STX8: variants seen among roughly 807,000 people sequenced by gnomAD.
STX8 encodes the protein syntaxin-8.
STX8 carries 23 observed loss-of-function variants against 37.5 expected under a neutral mutation model. The observed-to-expected ratio is 0.61, with a 90% CI of 0.44 to 0.87. The LOEUF (loss-of-function observed/expected upper bound fraction) is 0.87, where lower values mean the gene tolerates loss of function less well. Among genes scored for constraint, STX8 ranks in the 40% least tolerant of loss-of-function variants. STX8 has a pLI of 0.00. For missense variants in STX8, 313 were observed against 284.7 expected (o/e 1.10, Z -0.71); for synonymous variants, 115 against 99.1 (o/e 1.16, Z -0.95).
chr17:9,306,420 A>G (rs1908987280), intron 7 of STX8, among the ~76,000 whole-genome samples: 1 of 143,026 alleles, frequency 7.0e-6, no homozygotes, highest in African/African-American at 2.9e-5. Context: ...GATGTTGTTC[A>G]TCGTATTGGT....
At position 9,260,655 on chromosome 17, in the gene STX8, C is replaced by CAAAA. The variant is rs1391603857; in HGVS notation, c.644-10011_644-10010insTTTT. ...ACAAACAAACAAACAAACAAACAAACAACTGTGGTCTTTTGGGGTGGCTCT... is the reference window on the plus strand; with the variant it reads ...ACAAACAAACAAACAAACAAACAAACAAAAAACTGTGGTCTTTTGGGGTGGCTCT... On this transcript the variant is annotated intron_variant, in intron 7 of 7. Transcript: ENST00000306357. Among the ~76,000 whole-genome samples the CAAAA allele has an allele frequency of 5.3e-4, 75 of 142,404 alleles. 11 individuals are homozygous for CAAAA. In the East Asian group the frequency reaches 7.4e-3, roughly 14 times the overall value. The allele number at this position is 142,404 out of a possible 152,430, so 93.4% of individuals were successfully genotyped here. A position where few individuals can be genotyped will look rare whatever the true frequency, so the allele number is the denominator to read the frequency against.
At chr17:9,261,568 T>C (rs1026390117) in intron 7 of STX8, among the ~76,000 whole-genome samples, 1 of 152,180 alleles carries the variant, frequency 6.6e-6, no homozygotes, top group Admixed American at 6.5e-5. Flanking sequence ...TCTGCCGCTA[T>C]TGTCGCTTCC....
chr17:9,519,805 C>T (rs1905277147), intron 4 of STX8, among the ~76,000 whole-genome samples: 1 of 151,378 alleles, frequency 6.6e-6, no homozygotes, highest in Middle Eastern at 3.4e-3. Flanking sequence ...TGTCCCCACC[C>T]CCACCCCCTT....
At chr17:9,553,831 A>G (rs777848150) in intron 3 of STX8, 9 of 152,244 alleles carry the variant, frequency 5.9e-5, no homozygotes, top group African/African-American at 2.2e-4. Flanking sequence ...TATTTCTACT[A>G]AAGTATAATT....
At chr17:9,430,632 G>C (rs1913924204) in intron 6 of STX8, among the ~76,000 whole-genome samples, 1 of 147,382 alleles carries the variant, frequency 6.8e-6, no homozygotes, top group Non-Finnish European at 1.5e-5. Flanking sequence ...ACGGACAGTT[G>C]GGCTCAGTGG....
intron 1 of STX8, among the ~76,000 whole-genome samples, chr17:9,571,132 G>C (rs1488276444): frequency 6.6e-6 from 1 of 152,194 alleles, no homozygotes; most frequent in East Asian, 1.9e-4. Context: ...TTTACACACA[G>C]AGAGTGGCCC....
At chr17:9,482,042 C>T (rs1052932006) in intron 6 of STX8, among the ~76,000 whole-genome samples, 3 of 152,138 alleles carry the variant, frequency 2.0e-5, no homozygotes, top group African/African-American at 7.2e-5. Context: ...CGTGGTGGGA[C>T]ATGCCCATAG....
At position 9,382,428 on chromosome 17, in the gene STX8, A is replaced by AT. The variant is rs144905598; in HGVS notation, c.542-3776dup. Reference sequence around the variant, plus strand: ...TAAAAGACAAAGGGTATCACGCAAGATTTTTTTTCTTTTTTAAATTATACT... The same window carrying AT: ...TAAAAGACAAAGGGTATCACGCAAGATTTTTTTTTCTTTTTTAAATTATACT... On this transcript the variant is annotated intron_variant, in intron 6 of 7. Transcript: ENST00000306357. 5.9e-3 allele frequency among the ~76,000 whole-genome samples: 896 copies of AT among 152,100 alleles called. 7 individuals are homozygous for AT. Among genetic ancestry groups the AT allele is most frequent in the African/African-American group, 0.021 (851 of 41,482 alleles).
intron 6 of STX8, among the ~76,000 whole-genome samples, chr17:9,459,034 G>A (rs1039928198): frequency 4.0e-5 from 6 of 151,618 alleles, no homozygotes; most frequent in Non-Finnish European, 5.9e-5. Context: ...GGGTTTCACC[G>A]TGTTAGCCAG....
intron 3 of STX8, chr17:9,556,772 T>TATATACACATAC (rs1906988380): frequency 1.2e-5 from 1 of 82,944 alleles, no homozygotes; most frequent in Non-Finnish European, 2.4e-5. Flanking sequence ...TATATATATA[T>TATATACACATAC]ATATATATAT....
intron 7 of STX8, among the ~76,000 whole-genome samples, chr17:9,341,612 T>A (rs1362614351): frequency 6.6e-6 from 1 of 152,152 alleles, no homozygotes; most frequent in African/African-American, 2.4e-5. Context: ...AATTTTTGTA[T>A]TTTTAGTAGA....
intron 7 of STX8, among the ~76,000 whole-genome samples, chr17:9,372,779 A>ATTT (rs72485507): frequency 2.7e-5 from 3 of 109,536 alleles, no homozygotes; most frequent in Admixed American, 9.6e-5. Flanking sequence ...CCCAGCCCTC[A>ATTT]TTTTTTTTTT....
intron 6 of STX8, among the ~76,000 whole-genome samples, chr17:9,418,668 A>G (rs547746203): frequency 2.4e-3 from 366 of 151,668 alleles, no homozygotes; most frequent in African/African-American, 8.4e-3. Flanking sequence ...TCTACTAAAA[A>G]TACAAAAAAT....
At chr17:9,531,833 A>T (rs1306701113) in intron 4 of STX8, among the ~76,000 whole-genome samples, 4 of 150,648 alleles carry the variant, frequency 2.7e-5, no homozygotes, top group East Asian at 1.9e-4. Context: ...TTTTTTTTTT[A>T]AAGTACTATG....
rs562667944 is a variant in STX8, at chr17:9,360,759, G to A, written c.643+17793C>T. Among the ~76,000 whole-genome samples the A allele has an allele frequency of 4.6e-5, 7 of 151,968 alleles. No homozygotes were observed. The South Asian group carries it at 8.3e-4, about 18-fold the overall frequency. ...AAGAGAAATACGGGCTGTTTCGAGC[G>A]TGAATCAAAGTGTCAAAGAACATTT... is the stretch of plus-strand genomic sequence containing the variant. On this transcript the variant is annotated intron_variant, in intron 7 of 7. Transcript: ENST00000306357.
At chr17:9,391,077 T>G (rs1447046512) in intron 6 of STX8, among the ~76,000 whole-genome samples, 1 of 152,078 alleles carries the variant, frequency 6.6e-6, no homozygotes, top group South Asian at 2.1e-4. Context: ...GAAAACAACC[T>G]ACACAGAAGA....
intron 6 of STX8, among the ~76,000 whole-genome samples, chr17:9,457,100 G>T (rs1905206676): frequency 6.6e-6 from 1 of 152,176 alleles, no homozygotes; most frequent in Non-Finnish European, 1.5e-5. Flanking sequence ...TAATGCTGAG[G>T]TTCTGCAAAG....
intron 7 of STX8, among the ~76,000 whole-genome samples, chr17:9,281,520 T>A (rs1354031998): frequency 6.6e-6 from 1 of 152,002 alleles, no homozygotes; most frequent in East Asian, 1.9e-4. Context: ...AGAGAACTTG[T>A]CTTTTGGGTA....
intron 2 of STX8, among the ~76,000 whole-genome samples, chr17:9,562,601 G>GA (rs748400596): frequency 6.1e-5 from 3 of 49,272 alleles, no homozygotes; most frequent in African/African-American, 1.2e-4. Flanking sequence ...ACAGTTCACA[G>GA]AAAAAAAAAA....
Sources: gnomAD v4.1 joint callset for allele counts (sites outside exome capture counted in the v4.1 genomes callset) on GRCh38, gnomAD v4.1.1 for gene constraint, MANE v1.5 for transcripts, NCBI Gene and HGNC (gene_info 2026-07-23, HGNC 2026-07-21) for gene names.